CNKSR3: variants seen among roughly 807,000 people sequenced by gnomAD.
The protein encoded by CNKSR3 is CNKSR family member 3, also known as connector enhancer of kinase suppressor of ras 3.
Under a neutral mutation model 67.7 loss-of-function variants are expected in CNKSR3, and 36 were observed. That is an observed-to-expected ratio of 0.53 (90% CI 0.41 to 0.70). The LOEUF (loss-of-function observed/expected upper bound fraction) is 0.70. CNKSR3 is among the 30% of genes least tolerant of loss of function. The pLI, the probability that CNKSR3 is intolerant of heterozygous loss-of-function variation, is 0.00. For synonymous variants in CNKSR3, 281 were observed against 271.4 expected (o/e 1.04, Z -0.35); for missense variants, 630 against 695.2 (o/e 0.91, Z 1.05).
intron 6 of CNKSR3, 96 bp from the exon 7 acceptor site, chr6:154,428,283 C>T: frequency 1.3e-6 from 1 of 780,930 alleles, no homozygotes; most frequent in Non-Finnish European, 2.2e-6. Flanking sequence ...ACAACAGTCC[C>T]TTCAGAACAA....
chr6:154,457,460 C>A (rs1785982809), intron 1 of CNKSR3, among the ~76,000 whole-genome samples: 1 of 152,162 alleles, frequency 6.6e-6, no homozygotes, highest in Non-Finnish European at 1.5e-5. Flanking sequence ...GGGCTCACAC[C>A]TGTAATTCCA....
chr6:154,478,196 T>A (rs1786493508), intron 1 of CNKSR3: 1 of 153,100 alleles, frequency 6.5e-6, no homozygotes, highest in African/African-American at 2.4e-5. Flanking sequence ...AAGCTCCTCC[T>A]CCGCCCGTCC....
At chr6:154,493,451 A>G (rs1786819916) in intron 1 of CNKSR3, among the ~76,000 whole-genome samples, 2 of 152,220 alleles carry the variant, frequency 1.3e-5, no homozygotes, top group South Asian at 4.2e-4. Context: ...TGCATGGCAC[A>G]CAGAAGGCAC....
chr6:154,467,731 C>A (rs2114622865), intron 1 of CNKSR3, among the ~76,000 whole-genome samples: 1 of 138,886 alleles, frequency 7.2e-6, no homozygotes, highest in South Asian at 2.2e-4. Context: ...TGTGGTTAGA[C>A]CCATTATAAA....
chr6:154,499,636 T>TG (rs554155560), intron 1 of CNKSR3, among the ~76,000 whole-genome samples: 98 of 152,228 alleles, frequency 6.4e-4, no homozygotes, highest in Non-Finnish European at 1.2e-3. Flanking sequence ...TTTTTTAATG[T>TG]GGGGGGTTCT....
At chr6:154,497,151 G>A (rs1438140633) in intron 1 of CNKSR3, among the ~76,000 whole-genome samples, 1 of 152,064 alleles carries the variant, frequency 6.6e-6, no homozygotes, top group Non-Finnish European at 1.5e-5. Context: ...GCTGAGGCAG[G>A]AGGATCGTTT....
chr6:154,422,986 G>A lies in CNKSR3; in HGVS notation c.730-3C>T, dbSNP rs1246144968. On this transcript the variant is annotated splice_region_variant and splice_polypyrimidine_tract_variant and intron_variant, in intron 7 of 12. Transcript: ENST00000607772. ...TTCTGAGATCTGTCTGCAGGAGACTGTACAGAAACAAAATAACCTGCCTTA... is the reference window on the plus strand; with the variant it reads ...TTCTGAGATCTGTCTGCAGGAGACTATACAGAAACAAAATAACCTGCCTTA... 2 of 1,590,466 alleles carry A rather than the reference G, an allele frequency of 1.3e-6. No individual in the cohort carries two copies. The highest frequency in any genetic ancestry group is 1.7e-6 in the Non-Finnish European group (2 of 1,167,088).
intron 1 of CNKSR3, among the ~76,000 whole-genome samples, chr6:154,490,715 T>G (rs1317203679): frequency 1.4e-5 from 2 of 148,004 alleles, no homozygotes; most frequent in Admixed American, 1.4e-4. Flanking sequence ...AGCCACCACA[T>G]CGGCTTCTTT....
chr6:154,454,857 GAAT>G (rs1288188088), intron 1 of CNKSR3, among the ~76,000 whole-genome samples: 2 of 151,840 alleles, frequency 1.3e-5, no homozygotes, highest in Non-Finnish European at 2.9e-5. Context: ...TTTTGAAAGA[GAAT>G]AAAAGTTGCT....
At chr6:154,486,017 CCCA>C (rs1344872930) in intron 1 of CNKSR3, among the ~76,000 whole-genome samples, 1 of 152,166 alleles carries the variant, frequency 6.6e-6, no homozygotes, top group Non-Finnish European at 1.5e-5. Flanking sequence ...TACTGCCACA[CCCA>C]CCAGTTATCA....
At chr6:154,441,536 T>C (rs955229488) in intron 3 of CNKSR3, among the ~76,000 whole-genome samples, 157 bp from the exon 4 acceptor site, 17 of 152,120 alleles carry the variant, frequency 1.1e-4, no homozygotes, top group African/African-American at 4.1e-4. Flanking sequence ...CAGGCTGGAG[T>C]GCAGTGGGAT....
intron 1 of CNKSR3, among the ~76,000 whole-genome samples, chr6:154,485,508 G>A (rs1324239147): frequency 6.6e-6 from 1 of 152,156 alleles, no homozygotes; most frequent in Non-Finnish European, 1.5e-5. Flanking sequence ...TCTATAAAAG[G>A]CAAATCAGGT....
chr6:154,476,318 G>C (rs754966353), intron 1 of CNKSR3, among the ~76,000 whole-genome samples: 1 of 152,032 alleles, frequency 6.6e-6, no homozygotes, highest in Non-Finnish European at 1.5e-5. Context: ...TTAGCTGTGC[G>C]TGCTGGCAGG....
At chr6:154,451,441 A>G (rs1366936837) in intron 1 of CNKSR3, among the ~76,000 whole-genome samples, 1 of 152,214 alleles carries the variant, frequency 6.6e-6, no homozygotes, top group African/African-American at 2.4e-5. Context: ...AAGTATGTAG[A>G]AAGCATGCTG....
intron 1 of CNKSR3, among the ~76,000 whole-genome samples, chr6:154,475,282 A>T (rs1474776388): frequency 6.6e-6 from 1 of 152,074 alleles, no homozygotes; most frequent in Non-Finnish European, 1.5e-5. Context: ...GTTACAACAC[A>T]CGCCTGGCCC....
Position 154,485,049 on chromosome 6 carries a change from G to A in CNKSR3, c.52+25014C>T, listed in dbSNP as rs529040962. Reference sequence around the variant, plus strand: ...TGAAGGCAGAGCTGCCAATTAGCTTGGATTTTAACTTCTCTTTATGGGAAT... The same window carrying A: ...TGAAGGCAGAGCTGCCAATTAGCTTAGATTTTAACTTCTCTTTATGGGAAT... On this transcript the variant is annotated intron_variant, in intron 1 of 12. Coordinates refer to ENST00000607772, the MANE Select transcript of CNKSR3 (RefSeq NM_173515.4). 4.1e-4 allele frequency among the ~76,000 whole-genome samples: 62 copies of A among 152,088 alleles called. 1 individual carries two copies. Among genetic ancestry groups the A allele is most frequent in the Non-Finnish European group, 8.2e-4 (56 of 68,026 alleles).
At position 154,483,371 on chromosome 6, in the gene CNKSR3, G is replaced by A. The variant is rs116368749; in HGVS notation, c.52+26692C>T. On this transcript the variant is annotated intron_variant, in intron 1 of 12. Coordinates refer to ENST00000607772, the MANE Select transcript of CNKSR3 (RefSeq NM_173515.4). The stretch of plus-strand genomic sequence containing the variant: ...TCAGGCTGGAGAAGAGGAACAGTGC[G>A]AGTACACCTAGTGATTGCTACAACT... 4.3e-3 allele frequency among the ~76,000 whole-genome samples: 648 copies of A among 152,198 alleles called. 5 individuals are homozygous for A. The highest frequency in any genetic ancestry group is 0.015 in the African/African-American group (619 of 41,540).
chr6:154,510,197 G>T lies in CNKSR3; in HGVS notation c.-83C>A. On this transcript the variant is annotated 5_prime_UTR_variant, in exon 1 of 13. Coordinates refer to ENST00000607772, the MANE Select transcript of CNKSR3 (RefSeq NM_173515.4). ...GCGCTCCGGTGCCCCTTCCCGGGAG[G>T]GCGCGCCCGCGGCTGCTCCCCTGCG... 1 of 1,547,684 alleles carries T rather than the reference G, an allele frequency of 6.5e-7. No individual in the cohort carries two copies. Among genetic ancestry groups the T allele is most frequent in the Non-Finnish European group, 8.9e-7 (1 of 1,124,124 alleles).
intron 7 of CNKSR3, among the ~76,000 whole-genome samples, chr6:154,426,621 C>T (rs1785262444): frequency 6.6e-6 from 1 of 152,174 alleles, no homozygotes; most frequent in African/African-American, 2.4e-5. Context: ...TCCCAAAGTG[C>T]TGGGATTACA....
Sources: gnomAD v4.1 joint callset for allele counts (sites outside exome capture counted in the v4.1 genomes callset) on GRCh38, gnomAD v4.1.1 for gene constraint, MANE v1.5 for transcripts, NCBI Gene and HGNC (gene_info 2026-07-23, HGNC 2026-07-21) for gene names.